Variants in TRPM3 observed in about 807,000 individuals in gnomAD.
TRPM3 encodes long transient receptor potential channel 3.
TRPM3 carries 77 observed loss-of-function variants against 181.2 expected under a neutral mutation model. The ratio of observed to expected loss-of-function variants is 0.42; its 90% confidence interval spans 0.35 to 0.51. TRPM3 has a LOEUF of 0.51. TRPM3 is among the 20% of genes least tolerant of loss of function. The probability of loss-of-function intolerance (pLI) is 0.01; values close to 1 mark genes in which losing one functional copy is unlikely to be tolerated. For synonymous variants in TRPM3, 745 were observed against 796.4 expected (o/e 0.94, Z 1.09); for missense variants, 1,759 against 2,196.7 (o/e 0.80, Z 3.98).
At chr9:70,663,608 G>T (rs1366640463) in intron 9 of TRPM3, among the ~76,000 whole-genome samples, 4 of 151,894 alleles carry the variant, frequency 2.6e-5, no homozygotes. Context: ...TTTATATTAT[G>T]GTCTCTACTT....
intron 1 of TRPM3, among the ~76,000 whole-genome samples, chr9:71,293,820 T>C (rs2086031635): frequency 6.6e-6 from 1 of 152,020 alleles, no homozygotes; most frequent in Non-Finnish European, 1.5e-5. Context: ...ACAATGATAT[T>C]GTCTTAAGGA....
chr9:70,833,263 C>T (rs928266120), intron 5 of TRPM3, among the ~76,000 whole-genome samples: 3 of 152,140 alleles, frequency 2.0e-5, no homozygotes, highest in Admixed American at 6.5e-5. Context: ...CCTGGGACTA[C>T]TTTTCCAAAC....
At chr9:71,219,584 C>G (rs547019874) in intron 1 of TRPM3, among the ~76,000 whole-genome samples, 1 of 152,298 alleles carries the variant, frequency 6.6e-6, no homozygotes, top group South Asian at 2.1e-4. Flanking sequence ...TGCACACTCT[C>G]CTACAGTTAA....
chr9:71,141,347 T>TA lies in TRPM3; in HGVS notation c.184-276837dup, dbSNP rs200219015. Among the ~76,000 whole-genome samples the TA allele has an allele frequency of 5.2e-3, 788 of 151,280 alleles. 9 individuals carry two copies. The highest frequency in any genetic ancestry group is 0.018 in the African/African-American group (740 of 41,250). On this transcript the variant is annotated intron_variant, in intron 1 of 24. Coordinates refer to the TRPM3 transcript ENST00000357533. ...ACACATTTTGAGCTTTTCAGAAAAA[T>TA]AAAAAAAAATAAAATTCACATGTAA...
chr9:70,894,700 G>T (rs1182101627), intron 1 of TRPM3, among the ~76,000 whole-genome samples: 3 of 152,030 alleles, frequency 2.0e-5, no homozygotes, highest in Admixed American at 2.0e-4. Flanking sequence ...CATCTATTTG[G>T]GCTGTCATAC....
chr9:71,302,808 AGAAG>A (rs904164876), intron 1 of TRPM3, among the ~76,000 whole-genome samples: 8 of 152,114 alleles, frequency 5.3e-5, no homozygotes, highest in Admixed American at 5.2e-4. Context: ...GAAGGAAGAA[AGAAG>A]GAAGGAAGGA....
chr9:70,820,743 A>T (rs1765690295), intron 6 of TRPM3, among the ~76,000 whole-genome samples: 1 of 151,680 alleles, frequency 6.6e-6, no homozygotes, highest in African/African-American at 2.4e-5. Context: ...TTTAATCACA[A>T]CTCCATCTGT....
At chr9:70,565,625 ATACC>A (rs2050370077) in intron 22 of TRPM3, among the ~76,000 whole-genome samples, 1 of 150,700 alleles carries the variant, frequency 6.6e-6, no homozygotes, top group Admixed American at 6.6e-5. Flanking sequence ...ATAAACTGAG[ATACC>A]AATCAAGTGA....
At chr9:71,096,966 C>T (rs1398958207) in intron 1 of TRPM3, among the ~76,000 whole-genome samples, 1 of 152,044 alleles carries the variant, frequency 6.6e-6, no homozygotes, top group African/African-American at 2.4e-5. Flanking sequence ...ATCACCCTGG[C>T]TCAAAATTGC....
intron 9 of TRPM3, among the ~76,000 whole-genome samples, chr9:70,667,072 A>G (rs1355146438): frequency 7.9e-5 from 12 of 151,706 alleles, no homozygotes; most frequent in Admixed American, 5.3e-4. Flanking sequence ...TTCTCCCTAC[A>G]TAGCTCTGTT....
At chr9:71,159,147 T>C (rs2134687788) in intron 1 of TRPM3, among the ~76,000 whole-genome samples, 1 of 150,914 alleles carries the variant, frequency 6.6e-6, no homozygotes, top group Non-Finnish European at 1.5e-5. Context: ...AAGATGTCCA[T>C]TCATCCATGT....
At chr9:71,164,518 G>A (rs2076438851) in intron 1 of TRPM3, among the ~76,000 whole-genome samples, 1 of 152,102 alleles carries the variant, frequency 6.6e-6, no homozygotes, top group African/African-American at 2.4e-5. Context: ...GGAAAAAATG[G>A]TTGTGTAGAG....
intron 1 of TRPM3, among the ~76,000 whole-genome samples, chr9:71,211,522 G>T (rs755415596): frequency 3.3e-5 from 5 of 152,078 alleles, no homozygotes; most frequent in Non-Finnish European, 5.9e-5. Context: ...GAAATTTACT[G>T]TCTCATAGTT....
At chr9:70,928,193 A>G (rs1052376478) in intron 1 of TRPM3, among the ~76,000 whole-genome samples, 1 of 152,158 alleles carries the variant, frequency 6.6e-6, no homozygotes, top group African/African-American at 2.4e-5. Context: ...AGGACCTTTA[A>G]TATCTTGGAG....
intron 18 of TRPM3, among the ~76,000 whole-genome samples, chr9:70,613,856 G>C (rs2062356966): frequency 2.0e-5 from 3 of 152,134 alleles, no homozygotes; most frequent in Admixed American, 2.0e-4. Context: ...GGCTGAGCAG[G>C]GGAAGCTACC....
chr9:71,389,400 C>G (rs1283712696), intron 1 of TRPM3, among the ~76,000 whole-genome samples: 2 of 152,016 alleles, frequency 1.3e-5, no homozygotes, highest in Non-Finnish European at 2.9e-5. Context: ...TAAACTAGTA[C>G]AGCCACTATG....
intron 1 of TRPM3, among the ~76,000 whole-genome samples, chr9:71,152,285 T>G (rs942175270): frequency 2.6e-5 from 4 of 152,138 alleles, no homozygotes; most frequent in Non-Finnish European, 2.9e-5. Context: ...AGAGGGTGTA[T>G]GTTATGTATT....
At chr9:71,022,302 G>A (rs2097853289) in intron 1 of TRPM3, among the ~76,000 whole-genome samples, 1 of 152,150 alleles carries the variant, frequency 6.6e-6, no homozygotes, top group South Asian at 2.1e-4. Flanking sequence ...GGAGTGGATA[G>A]CTTTTTCATG....
chr9:71,000,701 A>T (rs539409649), intron 1 of TRPM3, among the ~76,000 whole-genome samples: 1 of 152,312 alleles, frequency 6.6e-6, no homozygotes, highest in South Asian at 2.1e-4. Flanking sequence ...ATTAACCAAG[A>T]CCCTTCACAT....
Sources: gnomAD v4.1 joint callset for allele counts (sites outside exome capture counted in the v4.1 genomes callset) on GRCh38, gnomAD v4.1.1 for gene constraint, MANE v1.5 for transcripts, NCBI Gene and HGNC (gene_info 2026-07-23, HGNC 2026-07-21) for gene names.